RASGRF2: variants seen among roughly 807,000 people sequenced by gnomAD.
RASGRF2 encodes the protein ras-specific guanine nucleotide-releasing factor 2.
RASGRF2 carries 76 observed loss-of-function variants against 151.0 expected under a neutral mutation model. That is an observed-to-expected ratio of 0.50 (90% CI 0.42 to 0.61). The LOEUF (loss-of-function observed/expected upper bound fraction) is 0.61. Ranked by LOEUF, RASGRF2 falls within the 20% of genes least tolerant of loss-of-function variation. The probability of loss-of-function intolerance (pLI) is 0.00; values close to 1 mark genes in which losing one functional copy is unlikely to be tolerated. For missense variants in RASGRF2, 1,148 were observed against 1,564.6 expected (o/e 0.73, Z 4.49); for synonymous variants, 504 against 566.5 (o/e 0.89, Z 1.57).
intron 1 of RASGRF2, among the ~76,000 whole-genome samples, chr5:81,030,237 T>C (rs1459042432): frequency 6.6e-6 from 1 of 152,174 alleles, no homozygotes; most frequent in Non-Finnish European, 1.5e-5. Context: ...CAGGGTATTA[T>C]CCAGGAGAAC....
intron 5 of RASGRF2, among the ~76,000 whole-genome samples, chr5:81,078,615 T>C (rs184135890): frequency 6.6e-6 from 1 of 152,360 alleles, no homozygotes; most frequent in East Asian, 1.9e-4. Context: ...TCCCTTTACA[T>C]GCCTTTGAAA....
chr5:81,147,140 C>A (rs1471416670), intron 17 of RASGRF2, among the ~76,000 whole-genome samples: 1 of 152,162 alleles, frequency 6.6e-6, no homozygotes, highest in Non-Finnish European at 1.5e-5. Context: ...TGTTGTTAAA[C>A]TCTGGATTTG....
intron 2 of RASGRF2, among the ~76,000 whole-genome samples, chr5:81,051,581 A>T (rs550637847): frequency 2.0e-5 from 3 of 152,318 alleles, no homozygotes; most frequent in Admixed American, 6.5e-5. Context: ...GAATCCTACA[A>T]ACATTTTGTG....
chr5:81,175,983 T>C (rs1754766163), intron 17 of RASGRF2, among the ~76,000 whole-genome samples: 1 of 152,126 alleles, frequency 6.6e-6, no homozygotes, highest in Admixed American at 6.5e-5. Flanking sequence ...CTGTAGCAGT[T>C]TGATCATTTT....
chr5:81,094,957 C>A lies in RASGRF2; in HGVS notation c.1720C>A (p.Gln574Lys). The A allele has an allele frequency of 6.3e-7, 1 of 1,581,560 alleles. No homozygotes were observed. The highest frequency in any genetic ancestry group is 8.6e-7 in the Non-Finnish European group (1 of 1,163,676). Residue 574 changes from glutamine to lysine, a missense_variant, in exon 12 of 27, where the codon CAG (glutamine) becomes AAG (lysine). Gln to Lys is a moderately conservative substitution (Grantham distance 53). Transcript: ENST00000265080. ...TGTTGTCTTGTTAGCACCCTCACGC[C>A]AGGAGAAAGCTGCCTGGATGAGTGA... ...FTVVLLAPSR[Q>K]EKAAWMSDIS... is the part of the protein sequence containing the mutation.
chr5:81,068,301 C>G, intron 3 of RASGRF2, 122 bp downstream of exon 3: 3 of 1,162,372 alleles, frequency 2.6e-6, no homozygotes, highest in Non-Finnish European at 3.6e-6. Context: ...GACATCAACA[C>G]ATACGTGGCT....
At position 81,229,877 on chromosome 5, in the gene RASGRF2, TTAGA is replaced by T. The variant is rs1756075629; in HGVS notation, c.*4108_*4111del. On this transcript the variant is annotated 3_prime_UTR_variant, in exon 27 of 27. Coordinates refer to ENST00000265080, the MANE Select transcript of RASGRF2 (RefSeq NM_006909.3). The stretch of plus-strand genomic sequence containing the variant: ...AGGGCTATTGTGAGGACCAAATGGA[TTAGA>T]CTGTAAACTGCAAAGTGCTGTCCGC... The T allele has an allele frequency of 6.6e-6, 1 of 152,200 alleles. No individual in the cohort carries two copies. Among genetic ancestry groups the T allele is most frequent in the Admixed American group, 6.5e-5 (1 of 15,286 alleles). 9.4% of individuals were successfully genotyped at this position (152,200 alleles called of 1,614,324 possible).
intron 1 of RASGRF2, among the ~76,000 whole-genome samples, chr5:80,969,014 T>G (rs1561530715): frequency 6.6e-6 from 1 of 151,930 alleles, no homozygotes; most frequent in African/African-American, 2.4e-5. Context: ...GATCATGGTG[T>G]AAAGTGTTTT....
intron 1 of RASGRF2, among the ~76,000 whole-genome samples, chr5:80,989,613 T>C (rs572196590): frequency 6.6e-6 from 1 of 152,190 alleles, no homozygotes; most frequent in Admixed American, 6.5e-5. Flanking sequence ...AAAAAATGTT[T>C]TCATAAAGTG....
chr5:81,053,287 C>G (rs1447076182), intron 2 of RASGRF2, among the ~76,000 whole-genome samples: 1 of 130,530 alleles, frequency 7.7e-6, no homozygotes. Flanking sequence ...CCCCCCACCC[C>G]ATGACAGGCC....
chr5:81,035,126 G>A (rs1345714066), intron 1 of RASGRF2, among the ~76,000 whole-genome samples: 1 of 151,942 alleles, frequency 6.6e-6, no homozygotes, highest in African/African-American at 2.4e-5. Flanking sequence ...ATACCCAAAG[G>A]ATTATAAATC....
At chr5:81,203,565 T>C (rs1755442260) in intron 19 of RASGRF2, among the ~76,000 whole-genome samples, 1 of 152,254 alleles carries the variant, frequency 6.6e-6, no homozygotes, top group African/African-American at 2.4e-5. Flanking sequence ...GTAAGATTGA[T>C]AGGGAACAGA....
At chr5:81,133,688 A>G (rs1397090585) in intron 17 of RASGRF2, among the ~76,000 whole-genome samples, 2 of 152,180 alleles carry the variant, frequency 1.3e-5, no homozygotes, top group Admixed American at 6.5e-5. Context: ...GTTATCTGTG[A>G]GCAGATTATA....
At chr5:81,005,494 G>A (rs1288213424) in intron 1 of RASGRF2, among the ~76,000 whole-genome samples, 1 of 152,120 alleles carries the variant, frequency 6.6e-6, no homozygotes, top group Non-Finnish European at 1.5e-5. Context: ...TTCAAGATAC[G>A]ATTTGGGTGG....
chr5:81,138,644 A>T (rs1358923083), intron 17 of RASGRF2, among the ~76,000 whole-genome samples: 1 of 152,116 alleles, frequency 6.6e-6, no homozygotes, highest in Admixed American at 6.5e-5. Context: ...TCTCACTGTC[A>T]TGCTGGTCCA....
In RASGRF2 at chr5:81,053,716, G is replaced by T. The variant is rs189210232; in HGVS notation, c.395+10733G>T. On this transcript the variant is annotated intron_variant, in intron 2 of 26. Transcript: ENST00000265080. ...GAATCGCCACACTGTCTTCCACAAT[G>T]GTTGAACTAGTTTACAGTCCCACCA... 3.2e-4 allele frequency among the ~76,000 whole-genome samples: 49 copies of T among 152,286 alleles called. No individual in the cohort carries two copies. The East Asian group carries it at 9.5e-3, about 29-fold the overall frequency.
At chr5:81,116,066 CTTTTTTTTTTTTTTTTTTTTT>C (rs575647502) in intron 15 of RASGRF2, among the ~76,000 whole-genome samples, 10 of 49,064 alleles carry the variant, frequency 2.0e-4, no homozygotes, top group African/African-American at 5.2e-4. Context: ...AATGCCATTT[CTTTTTTTTTTTTTTTTTTTTT>C]TTTTTTTTTT....
At chr5:81,097,757 G>A (rs460524) in intron 12 of RASGRF2, among the ~76,000 whole-genome samples, 28,713 of 152,042 alleles carry the variant, frequency 0.19, 3,325 homozygotes, top group Admixed American at 0.28. Flanking sequence ...AGGCAGTGTG[G>A]CTGGAGTAGG....
Position 80,960,968 on chromosome 5 carries a change from C to A in RASGRF2, c.230C>A (p.Pro77His). 6.4e-7 allele frequency: 1 copy of A among 1,562,750 alleles called. No homozygotes were observed. Among genetic ancestry groups the A allele is most frequent in the Non-Finnish European group, 8.7e-7 (1 of 1,145,762 alleles). Residue 77 changes from proline (P) to histidine (H), a missense_variant, in exon 1 of 27, where the codon CCC (proline) becomes CAC (histidine). Physicochemically the swap from Pro to His is moderately conservative, Grantham distance 77. Coordinates refer to ENST00000265080, the MANE Select transcript of RASGRF2 (RefSeq NM_006909.3). The surrounding 1 kb of genome is among the most constrained non-coding windows in gnomAD (Gnocchi z 5.5). Reference sequence around the variant, plus strand: ...GAGGGCTGCAGCTGCGAACGAACGCCCGCGCCACCCAGGGCCGGCGCCGGG... The same window carrying A: ...GAGGGCTGCAGCTGCGAACGAACGCACGCGCCACCCAGGGCCGGCGCCGGG... ...LLEGCSCERT[P>H]APPRAGAGQG...
Sources: allele counts gnomAD v4.1 joint callset (sites outside exome capture counted in the v4.1 genomes callset), GRCh38; gene constraint gnomAD v4.1.1; non-coding constraint Gnocchi (gnomAD v3.1); transcripts MANE v1.5; gene names NCBI Gene and HGNC (gene_info 2026-07-23, HGNC 2026-07-21).